The following EIF2B3 variants were observed in gnomAD, a reference collection of about 807,000 sequenced individuals.
EIF2B3 encodes the protein translation initiation factor eIF2B subunit gamma.
EIF2B3 carries 20 observed loss-of-function variants against 54.1 expected under a neutral mutation model. That is an observed-to-expected ratio of 0.37 (90% confidence interval 0.26 to 0.54). EIF2B3 has a LOEUF of 0.54. EIF2B3 is among the 20% of genes least tolerant of loss of function. EIF2B3 has a pLI of 0.86. For synonymous variants in EIF2B3, 153 were observed against 188.1 expected (o/e 0.81, Z 1.52); for missense variants, 448 against 547.8 (o/e 0.82, Z 1.82).
intron 1 of EIF2B3, among the ~76,000 whole-genome samples, chr1:44,984,844 G>A (rs1394882651): frequency 9.4e-6 from 1 of 106,770 alleles, no homozygotes; most frequent in Non-Finnish European, 1.8e-5. Context: ...CTGTCGCCCA[G>A]GCCGGACTGC....
chr1:44,962,204 A>ACATCATCAACATCAT (rs1644292456), intron 3 of EIF2B3, among the ~76,000 whole-genome samples: 1 of 146,334 alleles, frequency 6.8e-6, no homozygotes, highest in Non-Finnish European at 1.5e-5. Flanking sequence ...ATCATCATCA[A>ACATCATCAACATCAT]CATCATCATC....
chr1:44,875,912 C>A (rs532626019), intron 8 of EIF2B3, among the ~76,000 whole-genome samples: 5 of 152,252 alleles, frequency 3.3e-5, no homozygotes, highest in Non-Finnish European at 7.3e-5. Flanking sequence ...AGCCTGCCGA[C>A]TGCCTGCAAT....
chr1:44,877,192 TAAAAAAAAAA>T lies in EIF2B3; in HGVS notation c.976-1507_976-1498del, dbSNP rs768263508. ...GCGAGAAACACCCAAGAATGATCAA[TAAAAAAAAAA>T]AAAAAAAAAAAAAAAAAAAACACCT... On this transcript the variant is annotated intron_variant, in intron 8 of 11. Coordinates refer to ENST00000360403, the MANE Select transcript of EIF2B3 (RefSeq NM_020365.5). Among the ~76,000 whole-genome samples the T allele has an allele frequency of 8.1e-3, 423 of 52,080 alleles. 4 individuals are homozygous for T. Among genetic ancestry groups the T allele is most frequent in the African/African-American group, 0.036 (406 of 11,218 alleles). The allele number at this position is 52,080 out of a possible 152,430, so 34.2% of individuals were successfully genotyped here.
intron 5 of EIF2B3, among the ~76,000 whole-genome samples, chr1:44,918,072 C>G (rs1051834476): frequency 2.3e-5 from 2 of 88,616 alleles, no homozygotes; most frequent in African/African-American, 9.0e-5. Flanking sequence ...TGTGCCCAGC[C>G]TTTTTTTTTT....
At chr1:44,888,698 G>C (rs1269532123) in intron 6 of EIF2B3, among the ~76,000 whole-genome samples, 2 of 152,194 alleles carry the variant, frequency 1.3e-5, no homozygotes, top group Non-Finnish European at 2.9e-5. Context: ...CCCATAAACT[G>C]CTCAAGACGG....
At chr1:44,959,035 T>C (rs1644256920) in intron 3 of EIF2B3, 2 of 739,430 alleles carry the variant, frequency 2.7e-6, no homozygotes, top group African/African-American at 3.5e-5. Context: ...TTCAGTGACA[T>C]CTGAGAAACT....
intron 10 of EIF2B3, among the ~76,000 whole-genome samples, chr1:44,870,219 G>A (rs1019929177): frequency 1.3e-5 from 2 of 151,320 alleles, no homozygotes; most frequent in East Asian, 1.9e-4. Flanking sequence ...AATATCACAC[G>A]AATGATTTGG....
intron 2 of EIF2B3, 115 bp downstream of exon 2, chr1:44,980,906 G>A (rs1644504865): frequency 7.7e-7 from 1 of 1,299,264 alleles, no homozygotes; most frequent in Non-Finnish European, 1.1e-6. Flanking sequence ...AAAGAAGGCA[G>A]TCTTCAGCCA....
intron 5 of EIF2B3, among the ~76,000 whole-genome samples, chr1:44,925,953 C>A (rs955015407): frequency 6.6e-6 from 1 of 151,496 alleles, no homozygotes; most frequent in African/African-American, 2.4e-5. Context: ...GAATGGGCCG[C>A]ACGGTGGCTC....
chr1:44,874,589 C>T (rs965400899), intron 10 of EIF2B3, 89 bp downstream of exon 10: 17 of 1,465,820 alleles, frequency 1.2e-5, no homozygotes, highest in Non-Finnish European at 1.6e-5. Context: ...CCTGGGTATA[C>T]AATTTTAGGT....
intron 8 of EIF2B3, among the ~76,000 whole-genome samples, chr1:44,876,709 T>C (rs1245101798): frequency 3.6e-5 from 5 of 138,048 alleles, no homozygotes; most frequent in East Asian, 2.2e-4. Flanking sequence ...CAACAGCTCA[T>C]TGAGAACGGG....
chr1:44,981,942 C>CAAA (rs35864275), intron 1 of EIF2B3, among the ~76,000 whole-genome samples: 12,959 of 78,470 alleles, frequency 0.17, 925 homozygotes, highest in Non-Finnish European at 0.2. Flanking sequence ...GATCCTGTCT[C>CAAA]AAAAAAAAAA....
intron 6 of EIF2B3, 110 bp downstream of exon 6, chr1:44,897,245 G>A (rs778182121): frequency 9.7e-5 from 75 of 770,926 alleles, no homozygotes; most frequent in Non-Finnish European, 1.6e-4. Flanking sequence ...CTGTGCTATT[G>A]TGCTAATTTT....
At chr1:44,895,949 C>T (rs1655956928) in intron 6 of EIF2B3, among the ~76,000 whole-genome samples, 1 of 152,140 alleles carries the variant, frequency 6.6e-6, no homozygotes, top group African/African-American at 2.4e-5. Context: ...AAAATAAACC[C>T]TTCAATGGCC....
At chr1:44,955,906 T>C (rs1443483082) in intron 3 of EIF2B3, among the ~76,000 whole-genome samples, 2 of 152,186 alleles carry the variant, frequency 1.3e-5, no homozygotes, top group Non-Finnish European at 2.9e-5. Flanking sequence ...GCTTTTACAC[T>C]GTTGGTGGTA....
In EIF2B3 at chr1:44,921,666, C is replaced by G. The variant is rs569830348; in HGVS notation, c.566+4962G>C. 5.9e-5 allele frequency among the ~76,000 whole-genome samples: 9 copies of G among 152,204 alleles called. No individual in the cohort carries two copies. In the East Asian group the frequency reaches 1.7e-3, roughly 29 times the overall value. On this transcript the variant is annotated intron_variant, in intron 5 of 11. Coordinates refer to ENST00000360403, the MANE Select transcript of EIF2B3 (RefSeq NM_020365.5). ...GATTGTCCTTTCCCCAACGTATATT[C>G]TTGGCACCTTTGTCAAAAATGAGTT...
chr1:44,851,579 T>C (rs1197185901), intron 11 of EIF2B3, among the ~76,000 whole-genome samples: 1 of 151,848 alleles, frequency 6.6e-6, no homozygotes, highest in Admixed American at 6.6e-5. Flanking sequence ...CTACAGGCAG[T>C]GATGGAAGGG....
intron 3 of EIF2B3, among the ~76,000 whole-genome samples, chr1:44,967,312 T>C (rs373139059): frequency 1.3e-5 from 2 of 150,836 alleles, no homozygotes; most frequent in East Asian, 4.0e-4. Flanking sequence ...CCAGGCATGG[T>C]GGCTCACACC....
intron 3 of EIF2B3, among the ~76,000 whole-genome samples, chr1:44,956,565 T>TA (rs1293677251): frequency 2.6e-5 from 4 of 151,718 alleles, no homozygotes; most frequent in Non-Finnish European, 5.9e-5. Flanking sequence ...ATGAAGCAGA[T>TA]AAAAAATAAA....
Sources: allele counts gnomAD v4.1 joint callset (sites outside exome capture counted in the v4.1 genomes callset), GRCh38; gene constraint gnomAD v4.1.1; transcripts MANE v1.5; gene names NCBI Gene and HGNC (gene_info 2026-07-23, HGNC 2026-07-21).